Variants in RBMS3 observed in about 807,000 individuals in gnomAD.
RBMS3 encodes the protein RNA binding motif single stranded interacting protein 3.
RBMS3 carries 27 observed loss-of-function variants against 66.8 expected under a neutral mutation model. That is an observed-to-expected ratio of 0.40 (90% CI 0.30 to 0.56). RBMS3 has a LOEUF of 0.56. RBMS3 is among the 20% of genes least tolerant of loss of function. The pLI, the probability that RBMS3 is intolerant of heterozygous loss-of-function variation, is 0.40. For missense variants in RBMS3, 513 were observed against 549.5 expected, an observed-to-expected ratio of 0.93 and a Z score of 0.66; for synonymous variants, 188 against 183.0, an observed-to-expected ratio of 1.03 and a Z score of -0.22.
chr3:29,791,651 G>GACTA (rs2149427876), intron 6 of RBMS3, among the ~76,000 whole-genome samples: 1 of 152,198 alleles, frequency 6.6e-6, no homozygotes, highest in South Asian at 2.1e-4. Flanking sequence ...ATCATTAAGT[G>GACTA]ACTAAAACTC....
intron 1 of RBMS3, among the ~76,000 whole-genome samples, chr3:29,353,676 TACTC>T (rs1263955389): frequency 1.3e-5 from 2 of 152,070 alleles, no homozygotes; most frequent in African/African-American, 4.8e-5. Context: ...GTGGTTCTAA[TACTC>T]ACAACTTAAG....
chr3:29,698,595 T>A (rs2052385131), intron 4 of RBMS3: 1 of 985,384 alleles, frequency 1.0e-6, no homozygotes, highest in African/African-American at 1.7e-5. Context: ...AATTTGGGCA[T>A]GTCTACCAAA....
chr3:29,339,136 G>A (rs973227165), intron 1 of RBMS3, among the ~76,000 whole-genome samples: 1 of 152,182 alleles, frequency 6.6e-6, no homozygotes, highest in Non-Finnish European at 1.5e-5. Context: ...GTTAGTAGAG[G>A]AAGCCTGACT....
intron 6 of RBMS3, among the ~76,000 whole-genome samples, chr3:29,851,361 G>C (rs1032983005): frequency 6.6e-6 from 1 of 152,140 alleles, no homozygotes; most frequent in Non-Finnish European, 1.5e-5. Context: ...GGTGGGGATC[G>C]TTTGATCCAG....
At chr3:29,618,506 C>CA (rs2048748272) in intron 4 of RBMS3, among the ~76,000 whole-genome samples, 1 of 150,200 alleles carries the variant, frequency 6.7e-6, no homozygotes, top group Non-Finnish European at 1.5e-5. Context: ...AACTCTATCT[C>CA]AAAAAAAGAA....
At chr3:29,480,296 T>C (rs1028268696) in intron 2 of RBMS3, among the ~76,000 whole-genome samples, 3 of 152,194 alleles carry the variant, frequency 2.0e-5, no homozygotes, top group Non-Finnish European at 2.9e-5. Context: ...CCCAGATTTA[T>C]AAGAAGCCAC....
At chr3:29,522,835 A>G (rs2044916635) in intron 3 of RBMS3, among the ~76,000 whole-genome samples, 3 of 152,174 alleles carry the variant, frequency 2.0e-5, no homozygotes, top group African/African-American at 7.2e-5. Flanking sequence ...ATAGACCAAC[A>G]GGGAGTTGGC....
chr3:29,790,495 G>T (rs902067162), intron 6 of RBMS3, among the ~76,000 whole-genome samples: 1 of 152,092 alleles, frequency 6.6e-6, no homozygotes, highest in Admixed American at 6.6e-5. Context: ...CATAGTCCTT[G>T]TATAGTCATT....
chr3:29,973,005 A>C (rs977637677), intron 12 of RBMS3, among the ~76,000 whole-genome samples: 5 of 152,092 alleles, frequency 3.3e-5, no homozygotes, highest in African/African-American at 1.2e-4. Context: ...TAAGGACATT[A>C]GTTGTTTATG....
intron 6 of RBMS3, among the ~76,000 whole-genome samples, chr3:29,817,192 CTT>C (rs373365962): frequency 8.6e-5 from 11 of 127,186 alleles, no homozygotes; most frequent in Admixed American, 2.4e-4. Context: ...ATTTTCTTTT[CTT>C]TTTTTTTTTT....
chr3:29,339,514 G>T (rs1244985560), intron 1 of RBMS3, among the ~76,000 whole-genome samples: 3 of 151,726 alleles, frequency 2.0e-5, no homozygotes, highest in African/African-American at 7.3e-5. Flanking sequence ...GATCAGGAGA[G>T]CTTTACAGCT....
intron 6 of RBMS3, among the ~76,000 whole-genome samples, chr3:29,814,698 G>C (rs539465596): frequency 1.3e-5 from 2 of 152,060 alleles, no homozygotes; most frequent in Non-Finnish European, 2.9e-5. Flanking sequence ...CTTCTTCCTG[G>C]TTTAGTCTTG....
intron 4 of RBMS3, among the ~76,000 whole-genome samples, chr3:29,632,702 A>G (rs2049327993): frequency 6.6e-6 from 1 of 151,924 alleles, no homozygotes; most frequent in Non-Finnish European, 1.5e-5. Context: ...ACATTTTAAG[A>G]ACACCAAAAG....
chr3:29,948,987 T>C (rs1695500425), intron 12 of RBMS3, among the ~76,000 whole-genome samples: 1 of 151,730 alleles, frequency 6.6e-6, no homozygotes, highest in South Asian at 2.1e-4. Context: ...ACTCTGTACA[T>C]GATATGTGCG....
At chr3:29,721,119 A>G (rs77153692) in intron 4 of RBMS3, among the ~76,000 whole-genome samples, 94 of 152,328 alleles carry the variant, frequency 6.2e-4, no homozygotes, top group Middle Eastern at 3.4e-3. Flanking sequence ...AACATTATCT[A>G]TGATACTAAA....
In RBMS3 at chr3:29,563,484, T is replaced by C. The variant is rs146841618; in HGVS notation, c.308-23630T>C. Among the ~76,000 whole-genome samples the C allele has an allele frequency of 4.3e-3, 648 of 152,324 alleles. 7 individuals carry two copies. The highest frequency in any genetic ancestry group is 0.014 in the African/African-American group (601 of 41,574). On this transcript the variant is annotated intron_variant, in intron 3 of 14. Transcript: ENST00000383767. ...ACACTGTAGAGATTCAACAGCTAGC[T>C]GAAACCTCAACCAGTTTCAGGCAAT... is the stretch of plus-strand genomic sequence containing the variant.
chr3:29,878,867 C>A (rs2059671479), intron 7 of RBMS3, among the ~76,000 whole-genome samples: 1 of 151,912 alleles, frequency 6.6e-6, no homozygotes, highest in South Asian at 2.1e-4. Context: ...CACAGTGAGA[C>A]CCCATCTCTA....
chr3:29,800,881 G>GA (rs1196424859), intron 6 of RBMS3, among the ~76,000 whole-genome samples: 1 of 151,704 alleles, frequency 6.6e-6, no homozygotes, highest in African/African-American at 2.4e-5. Flanking sequence ...CAGTTCATGT[G>GA]ACCCTTTTGT....
intron 10 of RBMS3, among the ~76,000 whole-genome samples, chr3:29,906,081 C>T (rs1389431239): frequency 3.9e-5 from 6 of 152,024 alleles, no homozygotes; most frequent in Non-Finnish European, 4.4e-5. Flanking sequence ...AAGAACTTTT[C>T]GTCTACCCAA....
Sources: allele counts gnomAD v4.1 joint callset (sites outside exome capture counted in the v4.1 genomes callset), GRCh38; gene constraint gnomAD v4.1.1; transcripts MANE v1.5; gene names NCBI Gene and HGNC (gene_info 2026-07-23, HGNC 2026-07-21).